The following NMNAT3 variants were observed in gnomAD, a reference collection of about 807,000 sequenced individuals.
NMNAT3 encodes nicotinamide nucleotide adenylyltransferase 3.
In NMNAT3, 21 loss-of-function variants were observed where a neutral mutation model predicts 24.8. The ratio of observed to expected loss-of-function variants is 0.85; its 90% CI spans 0.60 to 1.22. The LOEUF (loss-of-function observed/expected upper bound fraction) is 1.22. Among genes scored for constraint, NMNAT3 ranks in the 50% most tolerant of loss-of-function variants. The probability of loss-of-function intolerance (pLI) is 0.00; values close to 1 mark genes in which losing one functional copy is unlikely to be tolerated. For missense variants in NMNAT3, 387 were observed against 436.6 expected (o/e 0.89, Z 1.01); for synonymous variants, 136 against 155.2 (o/e 0.88, Z 0.92).
chr3:139,644,348 T>A (rs74953864), intron 1 of NMNAT3, among the ~76,000 whole-genome samples: 1 of 152,044 alleles, frequency 6.6e-6, no homozygotes, highest in African/African-American at 2.4e-5. Flanking sequence ...AAAAATACAA[T>A]GAACAATACC....
At chr3:139,672,882 C>T (rs1053069065) in intron 1 of NMNAT3, among the ~76,000 whole-genome samples, 4 of 152,118 alleles carry the variant, frequency 2.6e-5, no homozygotes, top group East Asian at 1.9e-4. Flanking sequence ...GAATGGGTTT[C>T]GAAGGCAGGC....
chr3:139,659,540 A>G (rs2057349468), intron 1 of NMNAT3, among the ~76,000 whole-genome samples: 1 of 152,252 alleles, frequency 6.6e-6, no homozygotes, highest in South Asian at 2.1e-4. Context: ...TGCTTTCTAA[A>G]TATATCTGTT....
intron 1 of NMNAT3, among the ~76,000 whole-genome samples, chr3:139,661,197 G>A (rs530566676): frequency 4.6e-5 from 7 of 152,252 alleles, no homozygotes; most frequent in African/African-American, 1.2e-4. Flanking sequence ...CCTGTGCAAC[G>A]GGGCGAACTC....
chr3:139,625,886 C>T (rs9821252), intron 3 of NMNAT3, among the ~76,000 whole-genome samples: 12,977 of 152,066 alleles, frequency 0.085, 630 homozygotes, highest in East Asian at 0.13. Context: ...ACTTTGCTTT[C>T]GTTTTTGAAA....
At chr3:139,591,925 A>G (rs2054209104) in intron 3 of NMNAT3, among the ~76,000 whole-genome samples, 2 of 152,324 alleles carry the variant, frequency 1.3e-5, no homozygotes, top group South Asian at 4.1e-4. Flanking sequence ...TCCTCCTCCA[A>G]AGGAACGCAG....
At chr3:139,654,572 T>C (rs2057173627) in intron 1 of NMNAT3, among the ~76,000 whole-genome samples, 1 of 152,210 alleles carries the variant, frequency 6.6e-6, no homozygotes, top group African/African-American at 2.4e-5. Flanking sequence ...GAGGCAAAAC[T>C]ATTATGTTTC....
intron 3 of NMNAT3, among the ~76,000 whole-genome samples, chr3:139,601,047 C>T (rs2054691576): frequency 6.6e-6 from 1 of 152,144 alleles, no homozygotes; most frequent in Non-Finnish European, 1.5e-5. Context: ...GCAGGAACCT[C>T]ACATAGGAAG....
At chr3:139,643,476 G>A (rs760838756) in intron 1 of NMNAT3, among the ~76,000 whole-genome samples, 6 of 152,120 alleles carry the variant, frequency 3.9e-5, no homozygotes, top group African/African-American at 7.2e-5. Context: ...GTCCATTAAC[G>A]GAAGAATGGA....
chr3:139,582,290 T>C (rs1364867552), intron 4 of NMNAT3, among the ~76,000 whole-genome samples: 2 of 145,646 alleles, frequency 1.4e-5, no homozygotes, highest in Non-Finnish European at 3.0e-5. Flanking sequence ...ACCATTGGGG[T>C]GTTTATAAAA....
At position 139,594,396 on chromosome 3, in the gene NMNAT3, C is replaced by A. The variant is rs867485094; in HGVS notation, c.110-11188G>T. On this transcript the variant is annotated intron_variant, in intron 3 of 6. Transcript: ENST00000643695. ...TCTACCAGAGGTACAAGGAGGAACT[C>A]GTACCATTCCTTCTGAAACTATTCC... Among the ~76,000 whole-genome samples, 59 of 152,164 alleles carry A rather than the reference C, an allele frequency of 3.9e-4. 1 individual carries two copies. Among genetic ancestry groups the A allele is most frequent in the South Asian group, 1.5e-3 (7 of 4,816 alleles).
chr3:139,584,459 T>TATACA (rs1194931902), intron 3 of NMNAT3: 1 of 152,802 alleles, frequency 6.5e-6, no homozygotes, highest in African/African-American at 2.4e-5. Flanking sequence ...TTTCCTACTA[T>TATACA]ATACAGTTCA....
At chr3:139,628,164 C>T (rs968552161) in intron 2 of NMNAT3, among the ~76,000 whole-genome samples, 31 of 152,306 alleles carry the variant, frequency 2.0e-4, no homozygotes, top group African/African-American at 7.2e-4. Flanking sequence ...TCTGGTAGTC[C>T]TAATAGATCT....
intron 3 of NMNAT3, chr3:139,599,344 T>C (rs1185122604): frequency 2.8e-6 from 2 of 702,414 alleles, no homozygotes; most frequent in East Asian, 2.7e-5. Context: ...AAGCTTGGTG[T>C]TTCTGTGGGC....
At chr3:139,595,500 G>A (rs527700236) in intron 3 of NMNAT3, among the ~76,000 whole-genome samples, 7 of 152,268 alleles carry the variant, frequency 4.6e-5, no homozygotes, top group Admixed American at 1.3e-4. Flanking sequence ...CCCGCATTGC[G>A]AAGTCAATCC....
At chr3:139,584,357 G>C (rs1039544650) in intron 3 of NMNAT3, 2 of 160,160 alleles carry the variant, frequency 1.2e-5, no homozygotes, top group African/African-American at 4.8e-5. Context: ...GAGGGAGGAA[G>C]GGGAACCCGT....
intron 3 of NMNAT3, among the ~76,000 whole-genome samples, chr3:139,593,402 C>G (rs577935336): frequency 6.6e-6 from 1 of 152,174 alleles, no homozygotes; most frequent in Non-Finnish European, 1.5e-5. Flanking sequence ...GACAGATCAA[C>G]GAGACAGAAA....
At chr3:139,653,348 A>C (rs1023344236) in intron 1 of NMNAT3, among the ~76,000 whole-genome samples, 5 of 152,180 alleles carry the variant, frequency 3.3e-5, no homozygotes, top group African/African-American at 9.7e-5. Context: ...TTAAAAAAAA[A>C]CTGTTCTATT....
At chr3:139,676,426 A>G (rs9810042) in intron 1 of NMNAT3, among the ~76,000 whole-genome samples, 61,881 of 152,110 alleles carry the variant, frequency 0.41, 12,843 homozygotes, top group Non-Finnish European at 0.45. Flanking sequence ...TCCAGTTTTA[A>G]GAGGTGACAC....
intron 6 of NMNAT3, chr3:139,570,510 G>T (rs941060732): frequency 6.6e-6 from 1 of 152,230 alleles, no homozygotes; most frequent in Non-Finnish European, 1.5e-5. Context: ...GTGACGTATA[G>T]ATGGGTTTTT....
Sources: gnomAD v4.1 joint callset for allele counts (sites outside exome capture counted in the v4.1 genomes callset) on GRCh38, gnomAD v4.1.1 for gene constraint, MANE v1.5 for transcripts, NCBI Gene and HGNC (gene_info 2026-07-23, HGNC 2026-07-21) for gene names.